DPRX: variants seen among roughly 807,000 people sequenced by gnomAD.
DPRX encodes the protein divergent-paired related homeobox, also known as divergent paired-related homeobox.
In DPRX, 11 loss-of-function variants were observed where a neutral mutation model predicts 8.4. The observed-to-expected ratio is 1.31, with a 90% CI of 0.82 to 2.17. The LOEUF (loss-of-function observed/expected upper bound fraction) is 2.17. DPRX is among the 30% of genes most tolerant of loss of function. DPRX has a pLI of 0.00. For synonymous variants in DPRX, 72 were observed against 87.0 expected (o/e 0.83, Z 0.96); for missense variants, 211 against 236.7 (o/e 0.89, Z 0.71).
At chr19:53,615,830 T>A in the DPRX span, among the ~76,000 whole-genome samples, 1 of 152,042 alleles carries the variant, frequency 6.6e-6, no homozygotes, top group Non-Finnish European at 1.5e-5. Context: ...TGGCTGGGTG[T>A]GGTGGCTCAC....
chr19:53,625,643 CT>C, the DPRX span, among the ~76,000 whole-genome samples: 1,319 of 144,666 alleles, frequency 9.1e-3, 16 homozygotes, highest in African/African-American at 0.021. Flanking sequence ...CTCATAATTC[CT>C]TTTTTTTTTT....
At chr19:53,630,229 A>T (rs1373315505), upstream of DPRX, among the ~76,000 whole-genome samples, 2 of 150,532 alleles carry the variant, frequency 1.3e-5, no homozygotes, top group African/African-American at 4.9e-5. Flanking sequence ...AAAAAAAAAA[A>T]CTTTCATGCT....
At chr19:53,615,257 C>T in the DPRX span, among the ~76,000 whole-genome samples, 1 of 151,304 alleles carries the variant, frequency 6.6e-6, no homozygotes, top group African/African-American at 2.4e-5. Context: ...TAGGCATGAG[C>T]TACTGTGTCC....
At chr19:53,629,893 T>G (rs2091085029), upstream of DPRX, 1 of 151,452 alleles carries the variant, frequency 6.6e-6, no homozygotes, top group Non-Finnish European at 1.5e-5. Flanking sequence ...ATGGTCTAGG[T>G]TGAAAATGGA....
At chr19:53,630,017 G>A (rs113430073), upstream of DPRX, 23,956 of 151,170 alleles carry the variant, frequency 0.16, 2,123 homozygotes, top group East Asian at 0.37. Context: ...GACCAGTCTG[G>A]CCAACATGGT....
At chr19:53,623,310 A>AAAAAT in the DPRX span, among the ~76,000 whole-genome samples, 2 of 133,936 alleles carry the variant, frequency 1.5e-5, no homozygotes, top group East Asian at 4.5e-4. Context: ...CTGTCTCAAA[A>AAAAAT]AAATAAATAA....
the DPRX span, among the ~76,000 whole-genome samples, chr19:53,620,942 A>C: frequency 6.6e-6 from 1 of 152,030 alleles, no homozygotes; most frequent in Non-Finnish European, 1.5e-5. Flanking sequence ...AGGACCCCAG[A>C]GCAAAATACT....
In DPRX at chr19:53,634,518, C is replaced by T. The variant is rs769662174; in HGVS notation, c.29-13C>T. ...AGCATTTCCCATTTGTGTCTTTTTC[C>T]TCCTCTTTCAAGGCAAGGACCAGAT... is the stretch of plus-strand genomic sequence containing the variant. On this transcript the variant is annotated splice_polypyrimidine_tract_variant and intron_variant, in intron 1 of 2. Transcript: ENST00000376650. The T allele has an allele frequency of 1.3e-6, 2 of 1,598,496 alleles. No individual in the cohort carries two copies. Among genetic ancestry groups the T allele is most frequent in the African/African-American group, 2.7e-5 (2 of 74,024 alleles).
upstream of DPRX, among the ~76,000 whole-genome samples, chr19:53,627,817 G>A (rs963605835): frequency 1.3e-5 from 2 of 151,514 alleles, no homozygotes; most frequent in African/African-American, 2.4e-5. Context: ...TTGGGAGGCC[G>A]AGGCGGGGAG....
chr19:53,636,157 G>C (rs2122167755), intron 2 of DPRX, among the ~76,000 whole-genome samples: 2 of 152,182 alleles, frequency 1.3e-5, no homozygotes, highest in South Asian at 4.1e-4. Flanking sequence ...CATGAGGTCA[G>C]GAGTTCGAGA....
At chr19:53,617,014 C>G in the DPRX span, 2 of 1,152,172 alleles carry the variant, frequency 1.7e-6, no homozygotes, top group Non-Finnish European at 2.6e-6. Flanking sequence ...GCATCAGAGG[C>G]CAGTAGCTTT....
upstream of DPRX, among the ~76,000 whole-genome samples, chr19:53,627,557 C>T (rs1326923991): frequency 6.6e-6 from 1 of 150,876 alleles, no homozygotes; most frequent in African/African-American, 2.4e-5. Context: ...CTGCCTCAGC[C>T]TCCCCAGTAG....
At chr19:53,633,029 C>T (rs8102163) in intron 1 of DPRX, among the ~76,000 whole-genome samples, 61,220 of 151,930 alleles carry the variant, frequency 0.4, 12,500 homozygotes, top group East Asian at 0.5. Context: ...CATGCGGTGG[C>T]TCATGCCTGT....
the DPRX span, among the ~76,000 whole-genome samples, chr19:53,619,715 C>T: frequency 1.3e-5 from 2 of 149,598 alleles, no homozygotes; most frequent in Non-Finnish European, 3.0e-5. Flanking sequence ...ATTAGCTGGG[C>T]CTGGTGGCAG....
At chr19:53,610,314 T>C in the DPRX span, among the ~76,000 whole-genome samples, 2 of 115,280 alleles carry the variant, frequency 1.7e-5, no homozygotes, top group Admixed American at 1.0e-4. Context: ...AGCAAGACTC[T>C]GTCTCGAAAA....
chr19:53,623,413 C>T, the DPRX span, among the ~76,000 whole-genome samples: 2 of 147,154 alleles, frequency 1.4e-5, no homozygotes, highest in Non-Finnish European at 3.0e-5. Flanking sequence ...CCGAGGAGGG[C>T]GGATCACCTG....
chr19:53,615,396 T>C, the DPRX span, among the ~76,000 whole-genome samples: 1 of 152,218 alleles, frequency 6.6e-6, no homozygotes, highest in South Asian at 2.1e-4. Context: ...TTTTCCTACC[T>C]CAGCCTCCTG....
chr19:53,623,147 T>C, the DPRX span, among the ~76,000 whole-genome samples: 1 of 149,880 alleles, frequency 6.7e-6, no homozygotes, highest in African/African-American at 2.5e-5. Flanking sequence ...CTACCAAAAA[T>C]ACAAAAAAAA....
upstream of DPRX, among the ~76,000 whole-genome samples, chr19:53,631,580 G>A (rs984081495): frequency 1.3e-5 from 2 of 151,846 alleles, no homozygotes; most frequent in African/African-American, 4.8e-5. Flanking sequence ...CCAACATGGC[G>A]GAAACTCCGT....
Sources: allele counts gnomAD v4.1 joint callset (sites outside exome capture counted in the v4.1 genomes callset), GRCh38; gene constraint gnomAD v4.1.1; transcripts MANE v1.5; gene names NCBI Gene and HGNC (gene_info 2026-07-23, HGNC 2026-07-21).